The following ATP8A2 variants were observed in gnomAD, a reference collection of about 807,000 sequenced individuals.
ATP8A2 encodes the protein phospholipid-transporting ATPase IB.
A neutral mutation model predicts 165.6 loss-of-function variants in ATP8A2; 100 were observed. That is an observed-to-expected ratio of 0.60 (90% CI 0.51 to 0.71). ATP8A2 has a LOEUF of 0.71. Among genes scored for constraint, ATP8A2 ranks in the 30% least tolerant of loss-of-function variants. The pLI is 0.00. For synonymous variants in ATP8A2, 543 were observed against 548.8 expected (o/e 0.99, Z 0.15); for missense variants, 1,227 against 1,479.5 (o/e 0.83, Z 2.80).
At chr13:25,977,746 C>T (rs1956088546) in intron 35 of ATP8A2, among the ~76,000 whole-genome samples, 2 of 152,098 alleles carry the variant, frequency 1.3e-5, no homozygotes, top group African/African-American at 2.4e-5. Flanking sequence ...ACCTTTAAAA[C>T]GGTGCTGTGG....
chr13:25,718,982 G>T (rs537803060), intron 25 of ATP8A2, among the ~76,000 whole-genome samples: 17 of 152,242 alleles, frequency 1.1e-4, no homozygotes, highest in Non-Finnish European at 1.8e-4. Context: ...GGCATTTTCT[G>T]CATGTTTCGG....
At chr13:25,485,637 G>A (rs1056247875) in intron 2 of ATP8A2, among the ~76,000 whole-genome samples, 1 of 152,228 alleles carries the variant, frequency 6.6e-6, no homozygotes, top group Non-Finnish European at 1.5e-5. Flanking sequence ...AGTCCCAGAT[G>A]ATGGTTCTAG....
Position 25,828,192 on chromosome 13 carries a change from G to A in ATP8A2, c.2754G>A (p.Val918=), listed in dbSNP as rs760030872. 1 of 1,612,482 alleles carries A rather than the reference G, an allele frequency of 6.2e-7. No individual in the cohort carries two copies. Among genetic ancestry groups the A allele is most frequent in the Non-Finnish European group, 8.5e-7 (1 of 1,178,504 alleles). The change falls in exon 28 of 37, where the codon GTG becomes GTA. Residue 918 remains valine, a splice_region_variant and synonymous_variant. Coordinates refer to ENST00000381655, the MANE Select transcript of ATP8A2 (RefSeq NM_016529.6). ...FERWCIGLYN[V]IFTALPPFTL... ...GTTGGTGCATCGGCCTGTACAATGTGGTAAGCATTCTTCATCTCTATCTGA... is the reference window on the plus strand; with the variant it reads ...GTTGGTGCATCGGCCTGTACAATGTAGTAAGCATTCTTCATCTCTATCTGA...
At chr13:25,775,069 G>A (rs937190989) in intron 27 of ATP8A2, 110 bp downstream of exon 27, 2 of 647,384 alleles carry the variant, frequency 3.1e-6, no homozygotes, top group Non-Finnish European at 2.6e-6. Flanking sequence ...ATTAAAAGAT[G>A]CTGCTGTGAC....
chr13:25,779,411 AG>A (rs2044820070), intron 27 of ATP8A2, among the ~76,000 whole-genome samples: 1 of 63,304 alleles, frequency 1.6e-5, no homozygotes, highest in African/African-American at 6.1e-5. Flanking sequence ...TGGGTGGGGC[AG>A]GGGGGCGGTG....
chr13:25,958,469 G>T (rs958167298), intron 33 of ATP8A2, among the ~76,000 whole-genome samples: 1 of 152,152 alleles, frequency 6.6e-6, no homozygotes, highest in Non-Finnish European at 1.5e-5. Flanking sequence ...CTGACCCAGG[G>T]CAGTGCTGCA....
chr13:25,591,796 T>A (rs1284810082), intron 24 of ATP8A2, among the ~76,000 whole-genome samples: 1 of 152,198 alleles, frequency 6.6e-6, no homozygotes, highest in East Asian at 1.9e-4. Flanking sequence ...TTGGCCAGGA[T>A]GGTCTCAATC....
chr13:25,591,697 C>A (rs2040084554), intron 24 of ATP8A2, among the ~76,000 whole-genome samples: 1 of 151,962 alleles, frequency 6.6e-6, no homozygotes, highest in Non-Finnish European at 1.5e-5. Context: ...ATTCACCTGC[C>A]TCAGCCTCCT....
intron 23 of ATP8A2, among the ~76,000 whole-genome samples, chr13:25,587,956 C>A (rs1232094302): frequency 2.6e-5 from 4 of 152,034 alleles, no homozygotes; most frequent in Non-Finnish European, 5.9e-5. Context: ...CTTCTTGTTC[C>A]CCCCTCCTTT....
At chr13:25,643,200 C>T (rs1023875171) in intron 24 of ATP8A2, among the ~76,000 whole-genome samples, 1 of 152,146 alleles carries the variant, frequency 6.6e-6, no homozygotes, top group African/African-American at 2.4e-5. Flanking sequence ...TACCCTAGAA[C>T]TTAAAGTGTA....
chr13:25,937,362 C>CTTTCTTTTTT lies in ATP8A2; in HGVS notation c.3184-24210_3184-24209insCTTTTTTTTT. On this transcript the variant is annotated intron_variant, in intron 33 of 36. Transcript: ENST00000381655. ...TGCTTTGTCTTTCTATTCTTTCTTT[C>CTTTCTTTTTT]TTTTTTTTTTTTTTTTTGAACAGCC... Among the ~76,000 whole-genome samples, 157 of 38,800 alleles carry CTTTCTTTTTT rather than the reference C, an allele frequency of 4.0e-3. 13 individuals carry two copies. The highest frequency in any genetic ancestry group is 7.7e-3 in the African/African-American group (113 of 14,718). The allele number at this position is 38,800 out of a possible 152,430, so 25.5% of individuals were successfully genotyped here.
intron 6 of ATP8A2, among the ~76,000 whole-genome samples, chr13:25,533,693 T>C (rs2137939252): frequency 6.6e-6 from 1 of 152,260 alleles, no homozygotes; most frequent in African/African-American, 2.4e-5. Flanking sequence ...TACAGAGTGG[T>C]GGAAAGGGGG....
At chr13:25,629,988 T>C (rs2041198451) in intron 24 of ATP8A2, among the ~76,000 whole-genome samples, 1 of 152,158 alleles carries the variant, frequency 6.6e-6, no homozygotes, top group South Asian at 2.1e-4. Flanking sequence ...CTGAAAGCTT[T>C]GTGTTGGCAA....
In ATP8A2 at chr13:26,022,055, T is replaced by C. The variant is rs943917923; in HGVS notation, c.*2070T>C. The C allele has an allele frequency of 6.6e-6, 1 of 152,092 alleles. No homozygotes were observed. Among genetic ancestry groups the C allele is most frequent in the African/African-American group, 2.4e-5 (1 of 41,414 alleles). 9.4% of individuals were successfully genotyped at this position (152,092 alleles called of 1,614,324 possible). ...GGCTCCAAAAAGGGCCATTTCTTTC[T>C]CCCCAAGGTGCATAGAACATTTTTA... is the stretch of plus-strand genomic sequence containing the variant. On this transcript the variant is annotated 3_prime_UTR_variant, in exon 37 of 37. Transcript: ENST00000381655.
intron 33 of ATP8A2, among the ~76,000 whole-genome samples, chr13:25,883,988 C>T (rs1156363239): frequency 6.6e-6 from 1 of 152,118 alleles, no homozygotes; most frequent in Non-Finnish European, 1.5e-5. Flanking sequence ...TATTTTATCC[C>T]TTTTGTGCAC....
intron 25 of ATP8A2, among the ~76,000 whole-genome samples, chr13:25,708,929 G>A (rs2137966853): frequency 6.6e-6 from 1 of 152,352 alleles, no homozygotes; most frequent in East Asian, 1.9e-4. Context: ...GATTGGTGAT[G>A]TCTGCGCCTT....
intron 1 of ATP8A2, among the ~76,000 whole-genome samples, chr13:25,463,847 C>T (rs890509166): frequency 1.3e-5 from 2 of 152,190 alleles, no homozygotes; most frequent in Admixed American, 6.5e-5. Context: ...CTTCCACCCC[C>T]TCATGCTTCT....
chr13:25,403,741 T>C (rs1474490301), intron 1 of ATP8A2, among the ~76,000 whole-genome samples: 1 of 152,232 alleles, frequency 6.6e-6, no homozygotes, highest in Non-Finnish European at 1.5e-5. Flanking sequence ...GAATGTTGCC[T>C]GGCCTGCCAA....
At chr13:25,622,823 AC>A (rs2041005574) in intron 24 of ATP8A2, among the ~76,000 whole-genome samples, 1 of 152,102 alleles carries the variant, frequency 6.6e-6, no homozygotes, top group African/African-American at 2.4e-5. Flanking sequence ...CAAATCTGCA[AC>A]CCTCTGGTCC....
Sources: gnomAD v4.1 joint callset for allele counts (sites outside exome capture counted in the v4.1 genomes callset) on GRCh38, gnomAD v4.1.1 for gene constraint, MANE v1.5 for transcripts, NCBI Gene and HGNC (gene_info 2026-07-23, HGNC 2026-07-21) for gene names.